HPSE: variants seen among roughly 807,000 people sequenced by gnomAD.
The protein encoded by HPSE is heparanase, also known as endo-glucoronidase.
A neutral mutation model predicts 65.1 loss-of-function variants in HPSE; 48 were observed. The observed-to-expected ratio is 0.74, with a 90% CI of 0.58 to 0.94. The LOEUF is 0.94. HPSE is among the 40% of genes least tolerant of loss of function. The probability of loss-of-function intolerance (pLI) is 0.00; values close to 1 mark genes in which losing one functional copy is unlikely to be tolerated. For missense variants in HPSE, 644 were observed against 637.5 expected, an observed-to-expected ratio of 1.01 and a Z score of -0.11; for synonymous variants, 243 against 260.0, an observed-to-expected ratio of 0.93 and a Z score of 0.63.
chr4:83,309,708 A>G lies in HPSE; in HGVS notation c.891-213T>C, dbSNP rs1189850114. ...CTAGAAATCAGTTACTCTGTCTTGA[A>G]AAAACACAGTGGCAAGTACATGTAC... On this transcript the variant is annotated intron_variant, in intron 6 of 11. Coordinates refer to ENST00000311412, the MANE Select transcript of HPSE (RefSeq NM_001098540.3). Among the ~76,000 whole-genome samples the G allele has an allele frequency of 2.6e-5, 4 of 152,292 alleles. No homozygotes were observed. The East Asian group carries it at 7.7e-4, about 29-fold the overall frequency.
At chr4:83,322,983 C>T (rs991722505) in intron 1 of HPSE, among the ~76,000 whole-genome samples, 3 of 151,894 alleles carry the variant, frequency 2.0e-5, no homozygotes. Context: ...TATGTTTTAA[C>T]TTGACAAGTA....
intron 9 of HPSE, among the ~76,000 whole-genome samples, chr4:83,303,465 A>G (rs1179815159): frequency 6.6e-6 from 1 of 152,206 alleles, no homozygotes; most frequent in East Asian, 1.9e-4. Flanking sequence ...TGAGACACTG[A>G]CAAAATATTT....
chr4:83,327,320 A>T (rs984863842), intron 1 of HPSE, among the ~76,000 whole-genome samples: 1 of 152,174 alleles, frequency 6.6e-6, no homozygotes, highest in Non-Finnish European at 1.5e-5. Flanking sequence ...AAGAAATCAC[A>T]TTTCAAAGTT....
chr4:83,325,515 A>G (rs1256023945), intron 1 of HPSE, among the ~76,000 whole-genome samples: 1 of 152,200 alleles, frequency 6.6e-6, no homozygotes, highest in Non-Finnish European at 1.5e-5. Context: ...TTAAGGAGAT[A>G]AAGCCATCTG....
intron 11 of HPSE, among the ~76,000 whole-genome samples, chr4:83,296,677 G>GAAAAAAA (rs959233639): frequency 2.2e-5 from 2 of 91,098 alleles, no homozygotes; most frequent in Non-Finnish European, 2.4e-5. Context: ...TCTAAAAAAA[G>GAAAAAAA]AAAAAAAAAA....
intron 1 of HPSE, among the ~76,000 whole-genome samples, chr4:83,331,855 T>C (rs1172245332): frequency 1.3e-5 from 2 of 152,224 alleles, no homozygotes; most frequent in East Asian, 1.9e-4. Flanking sequence ...CTCTCTTTCC[T>C]TTAAAAAATA....
upstream of HPSE, chr4:83,334,855 C>G: frequency 7.0e-7 from 1 of 1,437,564 alleles, no homozygotes; most frequent in Admixed American, 2.8e-5. Context: ...CACTTCCTCC[C>G]GCCGAGCCCC....
chr4:83,296,839 GATAA>G (rs1735745238), intron 11 of HPSE, among the ~76,000 whole-genome samples: 1 of 151,888 alleles, frequency 6.6e-6, no homozygotes, highest in African/African-American at 2.4e-5. Flanking sequence ...TTATTACTAA[GATAA>G]ATAAAAGTAA....
At chr4:83,334,929 T>TC, upstream of HPSE, 1 of 1,255,222 alleles carries the variant, frequency 8.0e-7, no homozygotes, top group Non-Finnish European at 1.1e-6. Flanking sequence ...GCGCCCTCCA[T>TC]CCCTCCCACT....
chr4:83,295,631 G>T, intron 11 of HPSE, 128 bp from the exon 12 acceptor site: 1 of 572,780 alleles, frequency 1.7e-6, no homozygotes, highest in Non-Finnish European at 2.9e-6. Flanking sequence ...TATATAACTT[G>T]TATTTCAACA....
intron 1 of HPSE, among the ~76,000 whole-genome samples, chr4:83,329,876 G>A (rs1356381467): frequency 1.3e-5 from 2 of 152,124 alleles, no homozygotes; most frequent in African/African-American, 4.8e-5. Context: ...GTAAGTAAGA[G>A]GGGGACAGAG....
chr4:83,305,581 A>G (rs1396909550), intron 9 of HPSE, among the ~76,000 whole-genome samples: 2 of 152,238 alleles, frequency 1.3e-5, no homozygotes, highest in Non-Finnish European at 2.9e-5. Flanking sequence ...AATCAAGGTC[A>G]TGCTTCTCAG....
chr4:83,324,485 T>C (rs1180548941), intron 1 of HPSE, among the ~76,000 whole-genome samples: 1 of 152,208 alleles, frequency 6.6e-6, no homozygotes, highest in Non-Finnish European at 1.5e-5. Context: ...CAGTGATTCC[T>C]CCTCACCATA....
At chr4:83,304,709 C>T (rs1413642118) in intron 9 of HPSE, among the ~76,000 whole-genome samples, 4 of 152,028 alleles carry the variant, frequency 2.6e-5, no homozygotes, top group Non-Finnish European at 4.4e-5. Context: ...AACACATACC[C>T]CAACTTTCCT....
chr4:83,301,596 C>G (rs1338125167), intron 10 of HPSE, among the ~76,000 whole-genome samples: 1 of 152,152 alleles, frequency 6.6e-6, no homozygotes, highest in East Asian at 1.9e-4. Flanking sequence ...TCGCTACTTC[C>G]TACTGGGGTC....
intron 10 of HPSE, 31 bp downstream of exon 10, chr4:83,302,116 TTGA>T (rs1216416869): frequency 4.2e-6 from 6 of 1,441,098 alleles, no homozygotes; most frequent in Non-Finnish European, 5.9e-6. Flanking sequence ...CCACTAAAAC[TTGA>T]TGATTGGTAA....
At position 83,295,407 on chromosome 4, in the gene HPSE, G is replaced by T; in HGVS notation, c.1569C>A (p.Gly523=). The change falls in exon 12 of 12, where the codon GGC becomes GGA. Residue 523 remains glycine (G), a synonymous_variant. Coordinates refer to ENST00000311412, the MANE Select transcript of HPSE (RefSeq NM_001098540.3). The part of the protein sequence containing the change: ...EKPLRPGSSL[G]LPAFSYSFFV... ...AAAAACTATATGAGAAAGCTGGCAA[G>T]CCCAGTGAACTTCCTGGCCGGAGAG... 1 of 1,613,448 alleles carries T rather than the reference G, an allele frequency of 6.2e-7. No individual in the cohort carries two copies. Among genetic ancestry groups the T allele is most frequent in the Non-Finnish European group, 8.5e-7 (1 of 1,179,598 alleles).
Position 83,295,379 on chromosome 4 carries a change from C to A in HPSE, c.1597G>T (p.Val533Leu). The change falls in exon 12 of 12, where the codon GTG becomes TTG. Residue 533 changes from valine to leucine, a missense_variant. Coordinates refer to ENST00000311412, the MANE Select transcript of HPSE (RefSeq NM_001098540.3). The stretch of plus-strand genomic sequence containing the variant: ...GCAGCAACTTTGGCATTTCTTATCA[C>A]AAAAAAACTATATGAGAAAGCTGGC... ...GLPAFSYSFF[V>L]IRNAKVAACI 1 of 1,610,328 alleles carries A rather than the reference C, an allele frequency of 6.2e-7. No homozygotes were observed. The highest frequency in any genetic ancestry group is 8.5e-7 in the Non-Finnish European group (1 of 1,178,020).
At chr4:83,296,827 T>C (rs1222982704) in intron 11 of HPSE, among the ~76,000 whole-genome samples, 1 of 152,142 alleles carries the variant, frequency 6.6e-6, no homozygotes, top group East Asian at 1.9e-4. Context: ...CTATCATCAT[T>C]ATTATTACTA....
Sources: allele counts gnomAD v4.1 joint callset (sites outside exome capture counted in the v4.1 genomes callset), GRCh38; gene constraint gnomAD v4.1.1; transcripts MANE v1.5; gene names NCBI Gene and HGNC (gene_info 2026-07-23, HGNC 2026-07-21).